The following RAB5A variants were observed in gnomAD, a reference collection of about 807,000 sequenced individuals.
RAB5A encodes the protein ras-related protein Rab-5A.
Under a neutral mutation model 25.7 loss-of-function variants are expected in RAB5A, and 8 were observed. The observed-to-expected ratio is 0.31, with a 90% CI of 0.18 to 0.56. RAB5A has a LOEUF of 0.56. Ranked by LOEUF, RAB5A falls within the 20% of genes least tolerant of loss-of-function variation. RAB5A has a pLI of 0.91. For missense variants in RAB5A, 192 were observed against 259.7 expected, an observed-to-expected ratio of 0.74 and a Z score of 1.79; for synonymous variants, 98 against 89.8, an observed-to-expected ratio of 1.09 and a Z score of -0.52.
intron 2 of RAB5A, among the ~76,000 whole-genome samples, chr3:19,961,102 G>A (rs888572721): frequency 6.6e-6 from 1 of 152,152 alleles, no homozygotes; most frequent in Non-Finnish European, 1.5e-5. Flanking sequence ...TTAGAAAAAT[G>A]TGACTTCTAG....
chr3:19,961,048 A>G (rs1696577693), intron 2 of RAB5A, among the ~76,000 whole-genome samples: 1 of 152,220 alleles, frequency 6.6e-6, no homozygotes, highest in Non-Finnish European at 1.5e-5. Flanking sequence ...TATAACATGA[A>G]TAGAATTTTC....
At chr3:19,960,642 T>C (rs940187697) in intron 2 of RAB5A, among the ~76,000 whole-genome samples, 6 of 152,248 alleles carry the variant, frequency 3.9e-5, no homozygotes, top group African/African-American at 9.6e-5. Flanking sequence ...TTGATGTATA[T>C]GTAAACTTTA....
intron 5 of RAB5A, among the ~76,000 whole-genome samples, chr3:19,981,795 G>C (rs553762938): frequency 4.1e-4 from 63 of 152,096 alleles, no homozygotes; most frequent in Non-Finnish European, 6.3e-4. Context: ...AGCCGTAACT[G>C]CTGGTTGAGA....
chr3:19,965,173 C>T (rs570571064), intron 2 of RAB5A, among the ~76,000 whole-genome samples: 1 of 152,222 alleles, frequency 6.6e-6, no homozygotes, highest in Non-Finnish European at 1.5e-5. Flanking sequence ...CCACCCGCCT[C>T]GGCCCCCCAG....
Position 19,947,409 on chromosome 3 carries a change from G to T in RAB5A, c.-206G>T. On this transcript the variant is annotated 5_prime_UTR_variant, in exon 1 of 6. Coordinates refer to ENST00000273047, the MANE Select transcript of RAB5A (RefSeq NM_004162.5). ...GAGGGGAGCGGCGCTAAGAGCAGGC[G>T]ACGCCGCCGCCGCCACCACCACCGC... 1.3e-5 allele frequency: 2 copies of T among 156,866 alleles called. No homozygotes were observed. Among genetic ancestry groups the T allele is most frequent in the South Asian group, 3.5e-4 (2 of 5,694 alleles). The allele number at this position is 156,866 out of a possible 1,614,324, so 9.7% of individuals were successfully genotyped here. A position where few individuals can be genotyped will look rare whatever the true frequency, so the allele number is the denominator to read the frequency against.
At chr3:19,978,276 A>C in intron 4 of RAB5A, 34 bp from the exon 5 acceptor site, 15 of 1,330,036 alleles carry the variant, frequency 1.1e-5, no homozygotes, top group Non-Finnish European at 1.6e-5. Flanking sequence ...CAAGAGATAT[A>C]TCTCATATAT....
chr3:19,965,874 A>C (rs1010173242), intron 2 of RAB5A, among the ~76,000 whole-genome samples: 1 of 151,966 alleles, frequency 6.6e-6, no homozygotes, highest in Non-Finnish European at 1.5e-5. Flanking sequence ...CTGGGACTAC[A>C]GGTGCACGCC....
chr3:19,962,574 A>T (rs1458358729), intron 2 of RAB5A, among the ~76,000 whole-genome samples: 1 of 152,180 alleles, frequency 6.6e-6, no homozygotes, highest in Non-Finnish European at 1.5e-5. Context: ...ATCTCAAAAA[A>T]AAAAAGTACT....
At chr3:19,959,806 T>C (rs1417294513) in intron 2 of RAB5A, among the ~76,000 whole-genome samples, 1 of 151,988 alleles carries the variant, frequency 6.6e-6, no homozygotes, top group Non-Finnish European at 1.5e-5. Flanking sequence ...TTGAAATTTT[T>C]GTAGAGGCGA....
chr3:19,984,908 A>G lies in RAB5A; in HGVS notation c.*1085A>G, dbSNP rs114733572. 1,761 of 153,944 alleles carry G rather than the reference A, an allele frequency of 0.011. 34 individuals carry two copies. The highest frequency in any genetic ancestry group is 0.04 in the African/African-American group (1,662 of 41,576). 9.5% of individuals were successfully genotyped at this position (153,944 alleles called of 1,614,324 possible). On this transcript the variant is annotated 3_prime_UTR_variant, in exon 6 of 6. Coordinates refer to ENST00000273047, the MANE Select transcript of RAB5A (RefSeq NM_004162.5). ...ACAATGTACCCGTAATTTGTAACATAAAGTATTGCAATATGTTAGTAACAA... is the reference window on the plus strand; with the variant it reads ...ACAATGTACCCGTAATTTGTAACATGAAGTATTGCAATATGTTAGTAACAA...
intron 2 of RAB5A, among the ~76,000 whole-genome samples, chr3:19,971,145 C>T (rs56246056): frequency 1.3e-4 from 18 of 141,470 alleles, no homozygotes; most frequent in African/African-American, 8.2e-5. Flanking sequence ...TTCAGTGAGC[C>T]GAGATCGCGC....
At chr3:19,952,732 A>G (rs1575066726) in intron 2 of RAB5A, among the ~76,000 whole-genome samples, 1 of 151,706 alleles carries the variant, frequency 6.6e-6, no homozygotes, top group African/African-American at 2.4e-5. Flanking sequence ...AATACACAAT[A>G]TATTAGACAT....
At chr3:19,974,169 T>C (rs1696789750) in intron 2 of RAB5A, among the ~76,000 whole-genome samples, 1 of 152,024 alleles carries the variant, frequency 6.6e-6, no homozygotes, top group Middle Eastern at 3.4e-3. Context: ...CTACTTTTTT[T>C]TTTTTTTTGA....
intron 4 of RAB5A, 61 bp from the exon 5 acceptor site, chr3:19,978,249 C>T: frequency 9.5e-7 from 1 of 1,056,070 alleles, no homozygotes; most frequent in Non-Finnish European, 1.5e-6. Context: ...AAGTTTAAAG[C>T]AGGTGTAGTG....
At chr3:19,953,055 T>C (rs1248336930) in intron 2 of RAB5A, among the ~76,000 whole-genome samples, 2 of 149,374 alleles carry the variant, frequency 1.3e-5, no homozygotes, top group Non-Finnish European at 2.9e-5. Flanking sequence ...TCCTCTCTCT[T>C]TATTATTTTA....
At chr3:19,981,613 C>CAA (rs11307995) in intron 5 of RAB5A, among the ~76,000 whole-genome samples, 3,794 of 138,966 alleles carry the variant, frequency 0.027, 149 homozygotes, top group African/African-American at 0.092. Flanking sequence ...GACTCCGCCT[C>CAA]AAAAAAAAAA....
chr3:19,960,902 A>G (rs12486167), intron 2 of RAB5A, among the ~76,000 whole-genome samples: 24,999 of 152,158 alleles, frequency 0.16, 2,710 homozygotes, highest in Non-Finnish European at 0.24. Flanking sequence ...AGAAGTGGGT[A>G]ATCTTGATAC....
chr3:19,969,317 T>G (rs1454346911), intron 2 of RAB5A, among the ~76,000 whole-genome samples: 1 of 152,214 alleles, frequency 6.6e-6, no homozygotes, highest in Non-Finnish European at 1.5e-5. Context: ...GTGCTGGGAT[T>G]ACAGGCGTGA....
intron 2 of RAB5A, among the ~76,000 whole-genome samples, chr3:19,972,826 G>C (rs1231839802): frequency 1.3e-5 from 2 of 152,062 alleles, no homozygotes; most frequent in African/African-American, 2.4e-5. Context: ...ATGTATGGTG[G>C]CCTCTTGTGT....
Sources: gnomAD v4.1 joint callset for allele counts (sites outside exome capture counted in the v4.1 genomes callset) on GRCh38, gnomAD v4.1.1 for gene constraint, MANE v1.5 for transcripts, NCBI Gene and HGNC (gene_info 2026-07-23, HGNC 2026-07-21) for gene names.